Variants in ASNS observed in about 807,000 individuals in gnomAD.
ASNS encodes the protein asparagine synthetase [glutamine-hydrolyzing].
In ASNS, 37 loss-of-function variants were observed where a neutral mutation model predicts 62.6. The ratio of observed to expected loss-of-function variants is 0.59; its 90% CI spans 0.45 to 0.78. The LOEUF is 0.78. ASNS is among the 30% of genes least tolerant of loss of function. ASNS has a pLI of 0.00. For synonymous variants in ASNS, 207 were observed against 237.9 expected (o/e 0.87, Z 1.19); for missense variants, 520 against 682.4 (o/e 0.76, Z 2.65).
rs144046414 is a variant in ASNS at position 97,866,618 on chromosome 7, G to A, written c.250-2122C>T. ...TTTGGCTGACATTAGAGAAAGAAGAGGTTTAAATCAGGTGGAAATCCTAGA... is the reference window on the plus strand; with the variant it reads ...TTTGGCTGACATTAGAGAAAGAAGAAGTTTAAATCAGGTGGAAATCCTAGA... On this transcript the variant is annotated intron_variant, in intron 3 of 12. Transcript: ENST00000394308. Among the ~76,000 whole-genome samples the A allele has an allele frequency of 5.4e-4, 82 of 152,228 alleles. No individual in the cohort carries two copies. In the East Asian group the frequency reaches 0.011, roughly 20 times the overall value.
chr7:97,864,944 A>G (rs1340214717), intron 3 of ASNS, among the ~76,000 whole-genome samples: 1 of 152,202 alleles, frequency 6.6e-6, no homozygotes. Context: ...TCTAAACATG[A>G]ACTTCATTTA....
chr7:97,893,847 G>A, the ASNS span, among the ~76,000 whole-genome samples: 32 of 149,926 alleles, frequency 2.1e-4, no homozygotes, highest in Admixed American at 1.2e-3. Context: ...AAGAAACATT[G>A]ATTTAAGCTG....
chr7:97,864,683 A>G (rs1237063709), intron 3 of ASNS, among the ~76,000 whole-genome samples, 187 bp from the exon 4 acceptor site: 1 of 152,200 alleles, frequency 6.6e-6, no homozygotes, highest in East Asian at 1.9e-4. Context: ...TCTGTTCAAC[A>G]TAAAGCCGAA....
At chr7:97,870,627 C>T (rs1337397866) in intron 1 of ASNS, among the ~76,000 whole-genome samples, 1 of 152,084 alleles carries the variant, frequency 6.6e-6, no homozygotes. Flanking sequence ...CCCAAATAGC[C>T]TATAACAAAT....
intron 4 of ASNS, among the ~76,000 whole-genome samples, chr7:97,862,310 A>T (rs1348047604): frequency 2.0e-5 from 3 of 152,218 alleles, no homozygotes; most frequent in Non-Finnish European, 4.4e-5. Flanking sequence ...GAAAAAACAC[A>T]GAAGAACTAT....
At chr7:97,896,090 G>A in the ASNS span, among the ~76,000 whole-genome samples, 1 of 151,904 alleles carries the variant, frequency 6.6e-6, no homozygotes, top group Non-Finnish European at 1.5e-5. Flanking sequence ...TATGCTTGTG[G>A]GTTGGAATAA....
chr7:97,858,816 C>T (rs1209610308), intron 6 of ASNS, 38 bp downstream of exon 6: 1 of 1,535,938 alleles, frequency 6.5e-7, no homozygotes, highest in Non-Finnish European at 8.9e-7. Context: ...CAATTAAACA[C>T]ACATGAAATA....
chr7:97,902,421 G>A, the ASNS span, among the ~76,000 whole-genome samples: 2 of 152,038 alleles, frequency 1.3e-5, no homozygotes, highest in Admixed American at 1.3e-4. Flanking sequence ...CTTACAAACT[G>A]AACATACTGG....
chr7:97,925,757 T>C, the ASNS span, among the ~76,000 whole-genome samples: 698 of 152,280 alleles, frequency 4.6e-3, 7 homozygotes, highest in African/African-American at 0.016. Context: ...TCCAGTGAGT[T>C]ATCACCCTTG....
chr7:97,889,927 CAAAAAAAAAA>C, the ASNS span, among the ~76,000 whole-genome samples: 5 of 38,558 alleles, frequency 1.3e-4, no homozygotes, highest in Admixed American at 4.5e-4. Flanking sequence ...ATAATGAATA[CAAAAAAAAAA>C]AAAAAAAAAA....
At chr7:97,900,359 T>TAAAAAAAAAAAA in the ASNS span, among the ~76,000 whole-genome samples, 5 of 58,362 alleles carry the variant, frequency 8.6e-5, no homozygotes, top group Non-Finnish European at 8.6e-5. Context: ...AGACTTTGTC[T>TAAAAAAAAAAAA]CAAAAAAAAA....
chr7:97,893,069 G>T, the ASNS span, among the ~76,000 whole-genome samples: 1 of 152,250 alleles, frequency 6.6e-6, no homozygotes, highest in Non-Finnish European at 1.5e-5. Flanking sequence ...CTACATTGCT[G>T]GGGAGGCTTC....
chr7:97,926,582 G>C, the ASNS span, among the ~76,000 whole-genome samples: 7 of 152,190 alleles, frequency 4.6e-5, no homozygotes, highest in Non-Finnish European at 1.0e-4. Flanking sequence ...AATGGGTCTG[G>C]CGGGCATTGT....
the ASNS span, among the ~76,000 whole-genome samples, chr7:97,889,509 C>T: frequency 6.6e-6 from 1 of 151,424 alleles, no homozygotes; most frequent in Non-Finnish European, 1.5e-5. Flanking sequence ...GAGCTAGACT[C>T]CATCTCAACA....
chr7:97,920,617 A>C, the ASNS span, among the ~76,000 whole-genome samples: 4 of 152,212 alleles, frequency 2.6e-5, no homozygotes, highest in Non-Finnish European at 4.4e-5. Context: ...TGCCCCCAGA[A>C]TACAGGGCTC....
chr7:97,858,307 C>A lies in ASNS; in HGVS notation c.874G>T (p.Asp292Tyr), dbSNP rs1201831559. 6.2e-7 allele frequency: 1 copy of A among 1,613,590 alleles called. No individual in the cohort carries two copies. The highest frequency in any genetic ancestry group is 8.5e-7 in the Non-Finnish European group (1 of 1,180,012). ...CTAGCAGCCAGTAAATCGGGGCTGT[C>A]TTCCATGCCAATTGCAAATGTCTGG... Reference protein sequence around the residue: ...PLQTFAIGMEDSPDLLAARKV... With the variant: ...PLQTFAIGMEYSPDLLAARKV... The change falls in exon 7 of 13, where the codon GAC (aspartate) becomes TAC (tyrosine). Residue 292 changes from aspartate (D) to tyrosine (Y), a missense_variant. Transcript: ENST00000394308.
the ASNS span, among the ~76,000 whole-genome samples, chr7:97,905,776 C>A: frequency 6.6e-6 from 1 of 152,204 alleles, no homozygotes; most frequent in African/African-American, 2.4e-5. Context: ...CATGACTCAC[C>A]ACCTTCACTT....
Position 97,853,129 on chromosome 7 carries a change from G to A in ASNS, c.1407C>T (p.Ala469=), listed in dbSNP as rs750924344. 23 of 1,611,110 alleles carry A rather than the reference G, an allele frequency of 1.4e-5. No homozygotes were observed. The highest frequency in any genetic ancestry group is 2.0e-5 in the Non-Finnish European group (23 of 1,179,196). Residue 469 remains alanine (A), a synonymous_variant, in exon 12 of 13, where the codon GCC becomes GCT. Transcript: ENST00000394308. ...TAACTGAAGTTATTCCATCACTGAAGGCTTCTTTTGGTCGCCAGAGAATCT... is the reference window on the plus strand; with the variant it reads ...TAACTGAAGTTATTCCATCACTGAAAGCTTCTTTTGGTCGCCAGAGAATCT... ...PKEILWRPKE[A]FSDGITSVKN... is the part of the protein sequence containing the mutation.
Position 97,868,941 on chromosome 7 carries a change from G to A in ASNS, c.216C>T (p.Leu72=). 2 of 1,614,134 alleles carry A rather than the reference G, an allele frequency of 1.2e-6. No individual in the cohort carries two copies. Among genetic ancestry groups the A allele is most frequent in the Non-Finnish European group, 1.7e-6 (2 of 1,180,044 alleles). Residue 72 remains leucine (L), a synonymous_variant, in exon 3 of 13, where the codon CTC becomes CTT. Coordinates refer to ENST00000394308, the MANE Select transcript of ASNS (RefSeq NM_001673.5). ...GGTTGTAGATTTCACCATTGTAACA[G>A]AGCCACAAATACGGATATTTCTTCA... The part of the protein sequence containing the change: ...IRVKKYPYLW[L]CYNGEIYNHK...
Sources: allele counts gnomAD v4.1 joint callset (sites outside exome capture counted in the v4.1 genomes callset), GRCh38; gene constraint gnomAD v4.1.1; transcripts MANE v1.5; gene names NCBI Gene and HGNC (gene_info 2026-07-23, HGNC 2026-07-21).